The following GK variants were observed in gnomAD, a reference collection of about 807,000 sequenced individuals.
GK encodes the protein glycerol kinase.
Under a neutral mutation model 56.4 loss-of-function variants are expected in GK, and 9 were observed. The ratio of observed to expected loss-of-function variants is 0.16; its 90% CI spans 0.10 to 0.28. The LOEUF is 0.28. Ranked by LOEUF, GK falls within the 10% of genes least tolerant of loss-of-function variation. The probability of loss-of-function intolerance (pLI) is 1.00; values close to 1 mark genes in which losing one functional copy is unlikely to be tolerated. For missense variants in GK, 161 were observed against 431.4 expected, an observed-to-expected ratio of 0.37 and a Z score of 5.55; for synonymous variants, 104 against 144.1, an observed-to-expected ratio of 0.72 and a Z score of 1.99.
chrX:30,685,758 T>C (rs1419362879), intron 4 of GK, among the ~76,000 whole-genome samples: 1 of 112,264 alleles, frequency 8.9e-6, no homozygotes, highest in Non-Finnish European at 1.9e-5. Context: ...GAGGTTTAAT[T>C]CTAGATTCAG....
chrX:30,709,499 A>G (rs981877684), intron 13 of GK, among the ~76,000 whole-genome samples: 1 of 111,656 alleles, frequency 9.0e-6, no homozygotes, highest in African/African-American at 3.3e-5. Context: ...TCCAGGGTAA[A>G]CTGACCCAAT....
At chrX:30,655,470 C>T (rs1278661638) in intron 1 of GK, among the ~76,000 whole-genome samples, 2 of 111,939 alleles carry the variant, frequency 1.8e-5, no homozygotes, top group East Asian at 2.8e-4. Context: ...GGAACACAAG[C>T]CCAGTGCTGC....
At chrX:30,678,777 C>T (rs1160219469) in intron 4 of GK, among the ~76,000 whole-genome samples, 1 of 103,050 alleles carries the variant, frequency 9.7e-6, no homozygotes, top group African/African-American at 3.6e-5. Context: ...ACCTCCACCT[C>T]CTGGGTTCAA....
At chrX:30,664,103 T>A (rs780233316) in intron 1 of GK, among the ~76,000 whole-genome samples, 6 of 47,347 alleles carry the variant, frequency 1.3e-4, no homozygotes, top group African/African-American at 5.0e-4. Flanking sequence ...TATATATATT[T>A]TATAGATATA....
At chrX:30,712,378 CAGT>C (rs1221955723) in intron 13 of GK, among the ~76,000 whole-genome samples, 1 of 111,661 alleles carries the variant, frequency 9.0e-6, no homozygotes, top group African/African-American at 3.3e-5. Context: ...CCATTTTTCA[CAGT>C]AGATGTGTCA....
intron 1 of GK, among the ~76,000 whole-genome samples, chrX:30,662,415 T>C (rs1469102682): frequency 8.9e-6 from 1 of 111,758 alleles, no homozygotes; most frequent in African/African-American, 3.3e-5. Flanking sequence ...AGTAGGGAGG[T>C]CTAGGCTCCA....
intron 11 of GK, among the ~76,000 whole-genome samples, chrX:30,706,395 G>A (rs1327684799): frequency 8.0e-5 from 9 of 112,148 alleles, no homozygotes; most frequent in Non-Finnish European, 1.1e-4. Flanking sequence ...CCTGGACTGA[G>A]CACTGTCCCA....
intron 4 of GK, among the ~76,000 whole-genome samples, chrX:30,690,195 C>T (rs1934859165): frequency 8.9e-6 from 1 of 112,284 alleles, no homozygotes. Flanking sequence ...CTTGTATAGT[C>T]TTCCCTGGAG....
intron 3 of GK, among the ~76,000 whole-genome samples, chrX:30,669,423 C>T (rs192751196): frequency 9.0e-5 from 10 of 110,581 alleles, no homozygotes; most frequent in African/African-American, 3.3e-4. Flanking sequence ...ACCTCGTGAC[C>T]CGCCCGCCTC....
intron 1 of GK, among the ~76,000 whole-genome samples, chrX:30,655,778 T>G (rs1033961704): frequency 8.9e-6 from 1 of 111,974 alleles, no homozygotes; most frequent in African/African-American, 3.3e-5. Context: ...CCCTCAGGTT[T>G]TGTTGCCTAA....
intron 20 of GK, among the ~76,000 whole-genome samples, chrX:30,728,338 A>T (rs114484946): frequency 2.2e-4 from 17 of 75,617 alleles, no homozygotes; most frequent in South Asian, 7.2e-4. Flanking sequence ...AGTGAAACTT[A>T]AAAAAAAAAT....
chrX:30,656,055 A>G (rs1050231624), intron 1 of GK, among the ~76,000 whole-genome samples: 1 of 112,336 alleles, frequency 8.9e-6, no homozygotes, highest in African/African-American at 3.2e-5. Flanking sequence ...AGAGGCAAAT[A>G]AAAAAACCGT....
chrX:30,720,661 G>C lies in GK; in HGVS notation c.1277G>C (p.Ser426Thr). The stretch of plus-strand genomic sequence containing the variant: ...AATCGAGACTGTGGAATTCCACTCA[G>C]TCATTTGCAGGTAGATGGAGGAATG... Reference protein sequence around the residue: ...AMNRDCGIPLSHLQVDGGMTS... With the variant: ...AMNRDCGIPLTHLQVDGGMTS... The change falls in exon 17 of 21, where the codon AGT becomes ACT. Residue 426 changes from serine to threonine, a missense_variant. Physicochemically the swap from Ser to Thr is moderately conservative, Grantham distance 58. Transcript: ENST00000427190. 2.5e-6 allele frequency: 3 copies of C among 1,203,373 alleles called. No individual in the cohort carries two copies. Among genetic ancestry groups the C allele is most frequent in the Non-Finnish European group, 3.4e-6 (3 of 887,748 alleles).
At position 30,697,765 on chromosome X, in the gene GK, G is replaced by T. The variant is rs750230176; in HGVS notation, c.747+16G>T. The T allele has an allele frequency of 8.8e-7, 1 of 1,131,109 alleles. No homozygotes were observed. The highest frequency in any genetic ancestry group is 1.2e-6 in the Non-Finnish European group (1 of 824,475). The allele number at this position is 1,131,109 out of a possible 1,213,427, so 93.2% of individuals were successfully genotyped here. On this transcript the variant is annotated intron_variant, in intron 9 of 20. Transcript: ENST00000427190. ...TCATAGCGTGGTGAGTAGGTTGCCC[G>T]CCAATTATGTACCCATTCATTTGGA...
At chrX:30,692,293 C>G (rs1359142475) in intron 5 of GK, among the ~76,000 whole-genome samples, 1 of 110,943 alleles carries the variant, frequency 9.0e-6, no homozygotes, top group Non-Finnish European at 1.9e-5. Flanking sequence ...TCCAGCTGCA[C>G]TCTGCTTCGA....
intron 13 of GK, among the ~76,000 whole-genome samples, chrX:30,715,552 A>T (rs1601945521): frequency 8.9e-6 from 1 of 112,091 alleles, no homozygotes; most frequent in Non-Finnish European, 1.9e-5. Context: ...AAAGTATTGG[A>T]TCTTTATACT....
intron 5 of GK, among the ~76,000 whole-genome samples, chrX:30,693,981 G>A (rs1393470818): frequency 1.8e-5 from 2 of 111,541 alleles, no homozygotes; most frequent in Non-Finnish European, 3.8e-5. Context: ...AAGTTTTCTG[G>A]TTATGATCAT....
At chrX:30,724,212 T>C in intron 19 of GK, 31 bp downstream of exon 19, 1 of 890,791 alleles carries the variant, frequency 1.1e-6, no homozygotes, top group African/African-American at 1.9e-5. Context: ...TATTGTCACA[T>C]TTTCTTAGTA....
In GK at chrX:30,688,944, C is replaced by T. The variant is rs184762544; in HGVS notation, c.338-2179C>T. ...GCTTTCAAATGTATTTGTTCATGCC[C>T]CTTGGTAAGAATTACATTTTACATA... On this transcript the variant is annotated intron_variant, in intron 4 of 20. Transcript: ENST00000427190. 7.9e-4 allele frequency among the ~76,000 whole-genome samples: 88 copies of T among 112,015 alleles called. 1 individual carries two copies. The highest frequency in any genetic ancestry group is 2.3e-3 in the African/African-American group (70 of 30,860).
Sources: allele counts gnomAD v4.1 joint callset (sites outside exome capture counted in the v4.1 genomes callset), GRCh38; gene constraint gnomAD v4.1.1; transcripts MANE v1.5; gene names NCBI Gene and HGNC (gene_info 2026-07-23, HGNC 2026-07-21).